Variants in TCF4 observed in about 807,000 individuals in gnomAD.
TCF4 encodes the protein transcription factor 4.
TCF4 carries 3 observed loss-of-function variants against 82.1 expected under a neutral mutation model. The ratio of observed to expected loss-of-function variants is 0.04; its 90% CI spans 0.02 to 0.09. The LOEUF is 0.09. TCF4 is among the 10% of genes least tolerant of loss of function. TCF4 has a pLI of 1.00. For synonymous variants in TCF4, 276 were observed against 309.6 expected (o/e 0.89, Z 1.14); for missense variants, 518 against 852.7 (o/e 0.61, Z 4.89).
intron 5 of TCF4, among the ~76,000 whole-genome samples, chr18:55,453,676 C>G (rs985917121): frequency 2.0e-5 from 3 of 151,894 alleles, no homozygotes; most frequent in Non-Finnish European, 4.4e-5. Context: ...CAGAGTAGGC[C>G]GGAAAGGAAA....
At chr18:55,354,768 T>C (rs1409259994) in intron 6 of TCF4, among the ~76,000 whole-genome samples, 1 of 152,168 alleles carries the variant, frequency 6.6e-6, no homozygotes, top group Non-Finnish European at 1.5e-5. Context: ...TTTTGGCTTA[T>C]AATTAATGCA....
chr18:55,421,899 T>A (rs1490912801), intron 5 of TCF4, among the ~76,000 whole-genome samples: 1 of 152,116 alleles, frequency 6.6e-6, no homozygotes, highest in Non-Finnish European at 1.5e-5. Flanking sequence ...GAGGCTTTCA[T>A]AAATTAACAG....
At chr18:55,572,859 G>C (rs2097487676) in intron 3 of TCF4, among the ~76,000 whole-genome samples, 1 of 152,100 alleles carries the variant, frequency 6.6e-6, no homozygotes, top group African/African-American at 2.4e-5. Context: ...TTCGAGACCA[G>C]TCTGACCAAC....
intron 6 of TCF4, among the ~76,000 whole-genome samples, chr18:55,392,976 C>T (rs1230190897): frequency 6.6e-6 from 1 of 152,188 alleles, no homozygotes; most frequent in African/African-American, 2.4e-5. Flanking sequence ...AGTTTAGGCT[C>T]ACATTTTTAT....
intron 8 of TCF4, among the ~76,000 whole-genome samples, chr18:55,320,503 G>A (rs1402597954): frequency 6.6e-6 from 1 of 152,204 alleles, no homozygotes; most frequent in Non-Finnish European, 1.5e-5. Context: ...GTATATGTAT[G>A]TATTACAGAA....
At chr18:55,627,787 G>C (rs1217617732) in intron 2 of TCF4, among the ~76,000 whole-genome samples, 1 of 151,418 alleles carries the variant, frequency 6.6e-6, no homozygotes, top group Non-Finnish European at 1.5e-5. Flanking sequence ...AAGGCCGGGT[G>C]CAGTGGCTCA....
intron 3 of TCF4, among the ~76,000 whole-genome samples, chr18:55,476,187 T>C (rs1199848780): frequency 1.3e-5 from 2 of 151,160 alleles, no homozygotes; most frequent in African/African-American, 2.4e-5. Flanking sequence ...AAAAAAAAAT[T>C]GGAAACATCT....
intron 1 of TCF4, chr18:55,635,570 G>T: frequency 8.7e-7 from 1 of 1,150,392 alleles, no homozygotes; most frequent in Non-Finnish European, 1.2e-6. Flanking sequence ...CAGGCCAAGT[G>T]CTGTGGAGAT....
At chr18:55,634,599 T>C (rs754449644) in intron 1 of TCF4, among the ~76,000 whole-genome samples, 4 of 152,164 alleles carry the variant, frequency 2.6e-5, no homozygotes, top group East Asian at 1.9e-4. Context: ...CTGAAGGGCA[T>C]TGGATGCCAC....
At chr18:55,524,532 G>C (rs1203742334) in intron 3 of TCF4, among the ~76,000 whole-genome samples, 2 of 152,096 alleles carry the variant, frequency 1.3e-5, no homozygotes, top group East Asian at 3.9e-4. Context: ...AGAAGACCAT[G>C]ATTATTGATT....
At chr18:55,462,402 C>CT (rs1432032972) in intron 4 of TCF4, among the ~76,000 whole-genome samples, 1 of 152,054 alleles carries the variant, frequency 6.6e-6, no homozygotes, top group Non-Finnish European at 1.5e-5. Context: ...AAGGTAGACA[C>CT]TATCCCCATG....
chr18:55,299,961 A>G lies in TCF4; in HGVS notation c.550-20305T>C, dbSNP rs199836894. ...ACACACATGCCTCACTTGCTTTTCCATCATCTTATGGCCTGGGATGTACAG... is the reference window on the plus strand; with the variant it reads ...ACACACATGCCTCACTTGCTTTTCCGTCATCTTATGGCCTGGGATGTACAG... On this transcript the variant is annotated intron_variant, in intron 8 of 19. Transcript: ENST00000354452. Among the ~76,000 whole-genome samples the G allele has an allele frequency of 2.0e-5, 3 of 152,142 alleles. No homozygotes were observed. In the East Asian group the frequency reaches 5.8e-4, roughly 29 times the overall value.
At chr18:55,493,886 C>A (rs1424769860) in intron 3 of TCF4, among the ~76,000 whole-genome samples, 8 of 152,070 alleles carry the variant, frequency 5.3e-5, no homozygotes, top group Non-Finnish European at 1.2e-4. Context: ...AAAGATCCTG[C>A]ACCTGTCCCA....
chr18:55,254,576 G>A lies in TCF4; in HGVS notation c.1271C>T (p.Pro424Leu). The change falls in exon 15 of 20, where the codon CCT becomes CTT. Residue 424 changes from proline (P) to leucine (L), a missense_variant. By Grantham distance (98) the Pro-to-Leu change is moderately conservative (BLOSUM62 -3). Transcript: ENST00000354452. ...GHGDMHGIIG[P>L]SHNGAMGGLG... ...ACCACCCATGGCTCCATTATGAGAA[G>A]GTCCAATGATTCCATGCATGTCCCC... 6.2e-7 allele frequency: 1 copy of A among 1,613,762 alleles called. No individual in the cohort carries two copies. Among genetic ancestry groups the A allele is most frequent in the South Asian group, 1.1e-5 (1 of 91,062 alleles).
intron 3 of TCF4, among the ~76,000 whole-genome samples, chr18:55,537,431 A>G (rs984374961): frequency 1.3e-5 from 2 of 152,062 alleles, no homozygotes; most frequent in Non-Finnish European, 2.9e-5. Context: ...CTCTACAAAA[A>G]ACACAAAAAC....
At chr18:55,510,729 G>C in intron 3 of TCF4, 1 of 1,400,048 alleles carries the variant, frequency 7.1e-7, no homozygotes, top group Non-Finnish European at 9.3e-7. Flanking sequence ...GGCCTTCCTT[G>C]TTACTCTCCT....
At chr18:55,615,069 A>G (rs1007664725) in intron 2 of TCF4, among the ~76,000 whole-genome samples, 12 of 152,146 alleles carry the variant, frequency 7.9e-5, no homozygotes, top group African/African-American at 2.7e-4. Context: ...ATTGTGGTAA[A>G]TACCTCAGTG....
At chr18:55,481,468 G>T (rs2096430289) in intron 3 of TCF4, among the ~76,000 whole-genome samples, 1 of 152,154 alleles carries the variant, frequency 6.6e-6, no homozygotes, top group African/African-American at 2.4e-5. Flanking sequence ...GAAAAATCAG[G>T]CCTCACAATG....
intron 3 of TCF4, among the ~76,000 whole-genome samples, chr18:55,485,386 C>T (rs1389773950): frequency 6.6e-6 from 1 of 152,198 alleles, no homozygotes; most frequent in Non-Finnish European, 1.5e-5. Context: ...GGTTCTTTAA[C>T]AAGAAATACC....
Sources: allele counts gnomAD v4.1 joint callset (sites outside exome capture counted in the v4.1 genomes callset), GRCh38; gene constraint gnomAD v4.1.1; transcripts MANE v1.5; gene names NCBI Gene and HGNC (gene_info 2026-07-23, HGNC 2026-07-21).